Variants in NFE2L2 observed in about 807,000 individuals in gnomAD.
The protein encoded by NFE2L2 is nuclear factor erythroid 2-related factor 2.
NFE2L2 carries 20 observed loss-of-function variants against 49.6 expected under a neutral mutation model. The observed-to-expected ratio is 0.40, with a 90% CI of 0.28 to 0.59. NFE2L2 has a LOEUF of 0.59. Among genes scored for constraint, NFE2L2 ranks in the 20% least tolerant of loss-of-function variants. NFE2L2 has a pLI of 0.40. For synonymous variants in NFE2L2, 244 were observed against 256.5 expected (o/e 0.95, Z 0.47); for missense variants, 578 against 714.2 (o/e 0.81, Z 2.17).
intron 1 of NFE2L2, among the ~76,000 whole-genome samples, chr2:177,239,962 A>C (rs1017726621): frequency 6.6e-5 from 10 of 152,092 alleles, no homozygotes; most frequent in Non-Finnish European, 1.0e-4. Context: ...AAAAAAAAAA[A>C]AAAAAACAGC....
rs372010034 is a variant in NFE2L2, at chr2:177,230,923, T to C, written c.1680A>G (p.Leu560=). 71 of 1,613,912 alleles carry C rather than the reference T, an allele frequency of 4.4e-5. No homozygotes were observed. The highest frequency in any genetic ancestry group is 1.6e-4 in the Middle Eastern group (1 of 6,084). The change falls in exon 5 of 5, where the codon TTA becomes TTG. Residue 560 remains leucine, a synonymous_variant. Transcript: ENST00000397062. ...LHLLKKQLST[L]YLEVFSMLRD... is the part of the protein sequence containing the mutation. ...GTAGCATGCTGAAAACTTCGAGATATAAGGTGCTGAGTTGTTTTTTCAGTA... is the reference window on the plus strand; with the variant it reads ...GTAGCATGCTGAAAACTTCGAGATACAAGGTGCTGAGTTGTTTTTTCAGTA...
At position 177,264,671 on chromosome 2, in the gene NFE2L2, C is replaced by CGGCGGCGGT. The variant is rs1192556728; in HGVS notation, c.-104_-96dup. On this transcript the variant is annotated 5_prime_UTR_variant, in exon 1 of 5. Coordinates refer to ENST00000397062, the MANE Select transcript of NFE2L2 (RefSeq NM_006164.5). ...GACAGGGCGGCTCTGGTGGCGGCGG[C>CGGCGGCGGT]GGCGGCGGTGGCGGCTGCGTCGGCG... The CGGCGGCGGT allele has an allele frequency of 4.3e-6, 5 of 1,171,396 alleles. No homozygotes were observed. The highest frequency in any genetic ancestry group is 4.4e-6 in the Non-Finnish European group (4 of 918,642). 72.6% of individuals were successfully genotyped at this position (1,171,396 alleles called of 1,614,324 possible). A position where few individuals can be genotyped will look rare whatever the true frequency, so the allele number is the denominator to read the frequency against.
At chr2:177,235,436 CATAA>C (rs1218483618) in intron 1 of NFE2L2, among the ~76,000 whole-genome samples, 6 of 151,598 alleles carry the variant, frequency 4.0e-5, no homozygotes, top group Admixed American at 6.6e-5. Flanking sequence ...GACCCTGTCT[CATAA>C]ATAAATAAAT....
At chr2:177,235,465 A>G (rs757673883) in intron 1 of NFE2L2, among the ~76,000 whole-genome samples, 1 of 152,034 alleles carries the variant, frequency 6.6e-6, no homozygotes, top group African/African-American at 2.4e-5. Context: ...AAATAAAACT[A>G]TGGCTCCAGG....
chr2:177,255,431 CA>C (rs935367384), intron 1 of NFE2L2, among the ~76,000 whole-genome samples: 2 of 152,200 alleles, frequency 1.3e-5, no homozygotes, highest in African/African-American at 4.8e-5. Flanking sequence ...CCTGCACCCA[CA>C]GGATGATTCT....
chr2:177,240,498 C>A (rs929377734), intron 1 of NFE2L2, among the ~76,000 whole-genome samples: 2 of 152,094 alleles, frequency 1.3e-5, no homozygotes, highest in African/African-American at 2.4e-5. Context: ...TTTAGTGATT[C>A]CTGAGTGTGT....
At chr2:177,240,149 T>A (rs1055680464) in intron 1 of NFE2L2, among the ~76,000 whole-genome samples, 1 of 152,184 alleles carries the variant, frequency 6.6e-6, no homozygotes, top group Admixed American at 6.5e-5. Context: ...AATAATCGTC[T>A]GGGTGGAGCC....
chr2:177,242,123 T>A (rs1273265634), intron 1 of NFE2L2, among the ~76,000 whole-genome samples: 1 of 152,226 alleles, frequency 6.6e-6, no homozygotes, highest in Non-Finnish European at 1.5e-5. Flanking sequence ...TACTTTTGGT[T>A]TTATTAGACT....
intron 1 of NFE2L2, among the ~76,000 whole-genome samples, chr2:177,242,180 A>AT (rs1465744580): frequency 6.6e-6 from 1 of 152,214 alleles, no homozygotes; most frequent in Non-Finnish European, 1.5e-5. Context: ...AAAGTAGGTG[A>AT]TTAAAATACA....
Position 177,231,106 on chromosome 2 carries a change from C to T in NFE2L2, c.1497G>A (p.Arg499=), listed in dbSNP as rs369998189. 8.7e-5 allele frequency: 141 copies of T among 1,614,052 alleles called. 1 individual carries two copies. Among genetic ancestry groups the T allele is most frequent in the South Asian group, 8.6e-4 (78 of 91,076 alleles). Residue 499 remains arginine, a synonymous_variant, in exon 5 of 5, where the codon CGG becomes CGA. Transcript: ENST00000397062. The part of the protein sequence containing the change: ...QFNEAQLALI[R]DIRRRGKNKV... The stretch of plus-strand genomic sequence containing the variant: ...TATTCTTACCCCTCCTACGTATATC[C>T]CGAATTAATGCAAGTTGAGCTTCAT...
At chr2:177,246,774 C>CTTTTTT (rs56311819) in intron 1 of NFE2L2, among the ~76,000 whole-genome samples, 5 of 117,514 alleles carry the variant, frequency 4.3e-5, no homozygotes, top group Non-Finnish European at 6.6e-5. Context: ...TAATATTTTA[C>CTTTTTT]TTTTTTTTTT....
At chr2:177,264,461 G>A (rs1042349200) in intron 1 of NFE2L2, 71 bp downstream of exon 1, 92 of 1,469,240 alleles carry the variant, frequency 6.3e-5, no homozygotes, top group Non-Finnish European at 8.3e-5. Flanking sequence ...TGTCCCTCCC[G>A]GGCCGCGGTT....
At chr2:177,263,389 C>G (rs1690811416) in intron 1 of NFE2L2, 1 of 985,366 alleles carries the variant, frequency 1.0e-6, no homozygotes, top group African/African-American at 1.7e-5. Flanking sequence ...CTAATCTACA[C>G]TCGCAACTCT....
intron 1 of NFE2L2, among the ~76,000 whole-genome samples, chr2:177,252,534 G>A (rs1690378827): frequency 6.6e-6 from 1 of 152,036 alleles, no homozygotes; most frequent in Non-Finnish European, 1.5e-5. Context: ...CTAAGAGAGG[G>A]GCAAAAAGAG....
Position 177,234,181 on chromosome 2 carries a change from A to T in NFE2L2, c.136T>A (p.Tyr46Asn), listed in dbSNP as rs1197187178. Residue 46 changes from tyrosine (Y) to asparagine (N), a missense_variant, in exon 2 of 5, where the codon TAT becomes AAT. Around this residue, in one of 3 missense-constraint regions of NFE2L2, gnomAD observed 93 missense variants for 153.9 expected, o/e 0.60. Coordinates refer to ENST00000397062, the MANE Select transcript of NFE2L2 (RefSeq NM_006164.5). ...AGTTTTTTCTGTTTTTCCAGCTCAT[A>T]CTCTTTCCGTCGCTGACTGAAGTCA... ...VFDFSQRRKE[Y>N]ELEKQKKLEK... 61 of 1,613,750 alleles carry T rather than the reference A, an allele frequency of 3.8e-5. No homozygotes were observed. Among genetic ancestry groups the T allele is most frequent in the Non-Finnish European group, 5.2e-5 (61 of 1,180,010 alleles).
At chr2:177,263,973 G>T (rs889940506) in intron 1 of NFE2L2, 1 of 983,730 alleles carries the variant, frequency 1.0e-6, no homozygotes, top group Non-Finnish European at 1.2e-6. Flanking sequence ...CCAGCGGGGT[G>T]AGCGCGTCGC....
chr2:177,238,520 A>G (rs1387608864), intron 1 of NFE2L2, among the ~76,000 whole-genome samples: 2 of 152,264 alleles, frequency 1.3e-5, no homozygotes, highest in African/African-American at 4.8e-5. Flanking sequence ...TTAGTGGATC[A>G]AATGAGGCAC....
chr2:177,254,938 C>T (rs1316431613), intron 1 of NFE2L2, among the ~76,000 whole-genome samples: 3 of 152,242 alleles, frequency 2.0e-5, no homozygotes, highest in Non-Finnish European at 4.4e-5. Context: ...TGTCTCCTAA[C>T]TCCAAAGTCT....
At chr2:177,252,230 C>T (rs1042075701) in intron 1 of NFE2L2, among the ~76,000 whole-genome samples, 2 of 152,112 alleles carry the variant, frequency 1.3e-5, no homozygotes, top group African/African-American at 4.8e-5. Context: ...TCTTCACCTA[C>T]AAAACAGGAA....
Sources: allele counts gnomAD v4.1 joint callset (sites outside exome capture counted in the v4.1 genomes callset), GRCh38; gene constraint gnomAD v4.1.1; regional missense constraint gnomAD v4.1.1; transcripts MANE v1.5; gene names NCBI Gene and HGNC (gene_info 2026-07-23, HGNC 2026-07-21).